The following INSR variants were observed in gnomAD, a reference collection of about 807,000 sequenced individuals.
INSR encodes insulin receptor, also known as IR.
Under a neutral mutation model 142.6 loss-of-function variants are expected in INSR, and 67 were observed. The ratio of observed to expected loss-of-function variants is 0.47; its 90% confidence interval spans 0.39 to 0.58. The LOEUF (loss-of-function observed/expected upper bound fraction) is 0.58, where lower values mean the gene tolerates loss of function less well. Ranked by LOEUF, INSR falls within the 20% of genes least tolerant of loss-of-function variation. The pLI is 0.00. For missense variants in INSR, 1,248 were observed against 1,833.2 expected (o/e 0.68, Z 5.83); for synonymous variants, 756 against 743.1 (o/e 1.02, Z -0.28).
chr19:7,284,477 G>A (rs1033918772), intron 1 of INSR, among the ~76,000 whole-genome samples: 2 of 152,142 alleles, frequency 1.3e-5, no homozygotes, highest in African/African-American at 4.8e-5. Flanking sequence ...CCAACTGAAA[G>A]CACAAAAATG....
Position 7,167,962 on chromosome 19 carries a change from A to G in INSR, c.1610+6T>C. 3 of 1,613,960 alleles carry G rather than the reference A, an allele frequency of 1.9e-6. No individual in the cohort carries two copies. Among genetic ancestry groups the G allele is most frequent in the Admixed American group, 3.3e-5 (2 of 59,986 alleles). The stretch of plus-strand genomic sequence containing the variant: ...TCCTCAGCGTCTCTCTAACTCTTCT[A>G]CTTACGCCTCTTTGTAGAACAGCAT... On this transcript the variant is annotated splice_donor_region_variant and intron_variant, in intron 7 of 21. Coordinates refer to ENST00000302850, the MANE Select transcript of INSR (RefSeq NM_000208.4).
chr19:7,249,424 C>T lies in INSR; in HGVS notation c.652+17921G>A, dbSNP rs566403348. 7.2e-5 allele frequency among the ~76,000 whole-genome samples: 11 copies of T among 152,270 alleles called. No homozygotes were observed. In the East Asian group the frequency reaches 7.7e-4, roughly 11 times the overall value. On this transcript the variant is annotated intron_variant, in intron 2 of 21. Transcript: ENST00000302850. ...GAACACAAAGTTTTGTTATGAAGTTCGGTCTGTGCCCTGTTTGTCAGACAC... is the reference window on the plus strand; with the variant it reads ...GAACACAAAGTTTTGTTATGAAGTTTGGTCTGTGCCCTGTTTGTCAGACAC...
rs887272013 is a variant in INSR, at chr19:7,169,226, C to T, written c.1484-1132G>A. 2.0e-5 allele frequency among the ~76,000 whole-genome samples: 3 copies of T among 152,122 alleles called. No homozygotes were observed. The South Asian group carries it at 6.2e-4, about 31-fold the overall frequency. ...TCTGAGACTCTCCCAGCCCTATCCT[C>T]CCTCCTTCCCGCTCTCTGTTCACAG... is the stretch of plus-strand genomic sequence containing the variant. On this transcript the variant is annotated intron_variant, in intron 6 of 21. Transcript: ENST00000302850.
intron 2 of INSR, among the ~76,000 whole-genome samples, chr19:7,236,844 G>A (rs1256936716): frequency 1.3e-5 from 2 of 151,980 alleles, no homozygotes; most frequent in Non-Finnish European, 2.9e-5. Flanking sequence ...GGCTAACACG[G>A]TGAAACCCTG....
At chr19:7,270,355 A>T (rs1367953948) in intron 1 of INSR, among the ~76,000 whole-genome samples, 12 of 112,142 alleles carry the variant, frequency 1.1e-4, no homozygotes, top group African/African-American at 3.7e-4. Context: ...ACACACACAC[A>T]CACACACACA....
chr19:7,282,030 T>G (rs552758199), intron 1 of INSR, among the ~76,000 whole-genome samples: 2 of 152,170 alleles, frequency 1.3e-5, no homozygotes, highest in African/African-American at 4.8e-5. Flanking sequence ...CACCGCAGGA[T>G]AGCAAAGCTT....
intron 2 of INSR, among the ~76,000 whole-genome samples, chr19:7,193,082 G>C (rs1974643330): frequency 2.0e-5 from 3 of 151,944 alleles, no homozygotes; most frequent in Admixed American, 6.6e-5. Context: ...CTTGCACCAA[G>C]AGGCAAGTGC....
chr19:7,187,241 C>T lies in INSR; in HGVS notation c.653-2604G>A, dbSNP rs929784976. On this transcript the variant is annotated intron_variant, in intron 2 of 21. Transcript: ENST00000302850. ...ATTACAGGTGCCCACCACCACACCC[C>T]GCTAATTTTTTTGTATTTTTAGTAG... is the stretch of plus-strand genomic sequence containing the variant. Among the ~76,000 whole-genome samples the T allele has an allele frequency of 2.6e-5, 4 of 151,728 alleles. No individual in the cohort carries two copies. The East Asian group carries it at 5.8e-4, about 22-fold the overall frequency.
intron 10 of INSR, chr19:7,151,970 G>GA (rs1973374798): frequency 7.5e-6 from 1 of 133,112 alleles, no homozygotes; most frequent in Admixed American, 7.7e-5. Flanking sequence ...TTTTTAAACT[G>GA]TTTTTTTTTT....
intron 2 of INSR, among the ~76,000 whole-genome samples, chr19:7,201,704 C>T (rs1974960573): frequency 7.0e-6 from 1 of 142,668 alleles, no homozygotes. Context: ...ACTCTGTCGC[C>T]CAGGCTGGAG....
chr19:7,139,707 C>T (rs1973020277), intron 13 of INSR, among the ~76,000 whole-genome samples: 2 of 151,946 alleles, frequency 1.3e-5, no homozygotes, highest in Admixed American at 1.3e-4. Flanking sequence ...ATTTAGCAAA[C>T]AGGGCCCCAA....
Position 7,267,342 on chromosome 19 carries a change from T to C in INSR, c.652+3A>G. 1 of 1,614,058 alleles carries C rather than the reference T, an allele frequency of 6.2e-7. No individual in the cohort carries two copies. Among genetic ancestry groups the C allele is most frequent in the South Asian group, 1.1e-5 (1 of 91,082 alleles). On this transcript the variant is annotated splice_donor_region_variant and intron_variant, in intron 2 of 21. Transcript: ENST00000302850. The surrounding 1 kb of genome is among the most constrained non-coding windows in gnomAD (Gnocchi z 6.3). The stretch of plus-strand genomic sequence containing the variant: ...TGCTTAGAACCCTGTATCCCCGGCG[T>C]ACCTTTCTGGCAGTGACTATGAGTC...
chr19:7,204,288 C>T (rs1975044001), intron 2 of INSR, among the ~76,000 whole-genome samples: 1 of 152,010 alleles, frequency 6.6e-6, no homozygotes, highest in Non-Finnish European at 1.5e-5. Flanking sequence ...CTCCTGACCT[C>T]AGGTGATCCA....
intron 2 of INSR, among the ~76,000 whole-genome samples, chr19:7,206,772 AAAAC>A (rs774017889): frequency 6.6e-6 from 1 of 152,058 alleles, no homozygotes. Context: ...GACCACAACA[AAAAC>A]AAACAAAAAA....
chr19:7,119,690 A>AT lies in INSR; in HGVS notation c.3660-108dup. 8.2e-7 allele frequency: 1 copy of AT among 1,222,544 alleles called. No homozygotes were observed. The highest frequency in any genetic ancestry group is 2.7e-4 in the Middle Eastern group (1 of 3,754). 75.7% of individuals were successfully genotyped at this position (1,222,544 alleles called of 1,614,324 possible). On this transcript the variant is annotated intron_variant, in intron 20 of 21. Coordinates refer to ENST00000302850, the MANE Select transcript of INSR (RefSeq NM_000208.4). This position sits in a 1 kb window ranked among gnomAD's most constrained non-coding sequence, Gnocchi z 5.2. The stretch of plus-strand genomic sequence containing the variant: ...AACGCACACACACACGCAAACACAC[A>AT]TGCCAACACATACATGCAAACACAC...
chr19:7,283,847 C>T (rs896536207), intron 1 of INSR, among the ~76,000 whole-genome samples: 2 of 152,124 alleles, frequency 1.3e-5, no homozygotes, highest in Non-Finnish European at 2.9e-5. Flanking sequence ...TAGGAAAATG[C>T]GAGGGTAAGT....
intron 2 of INSR, among the ~76,000 whole-genome samples, chr19:7,215,055 A>G (rs2145084005): frequency 1.3e-5 from 2 of 152,008 alleles, no homozygotes; most frequent in South Asian, 4.2e-4. Flanking sequence ...CCCTGGGCTC[A>G]ATGGATCTTC....
intron 2 of INSR, among the ~76,000 whole-genome samples, chr19:7,208,649 C>T (rs1975184412): frequency 6.6e-6 from 1 of 152,252 alleles, no homozygotes; most frequent in East Asian, 1.9e-4. Flanking sequence ...GCGGGTGGAT[C>T]GCTTGAGCCC....
At chr19:7,153,978 T>C (rs1448533390) in intron 9 of INSR, among the ~76,000 whole-genome samples, 1 of 152,046 alleles carries the variant, frequency 6.6e-6, no homozygotes, top group Non-Finnish European at 1.5e-5. Context: ...CTGGCCAACA[T>C]GGTGAAACCC....
Sources: allele counts gnomAD v4.1 joint callset (sites outside exome capture counted in the v4.1 genomes callset), GRCh38; gene constraint gnomAD v4.1.1; non-coding constraint Gnocchi (gnomAD v3.1); transcripts MANE v1.5; gene names NCBI Gene and HGNC (gene_info 2026-07-23, HGNC 2026-07-21).